The following ZBTB1 variants were observed in gnomAD, a reference collection of about 807,000 sequenced individuals.
The protein encoded by ZBTB1 is zinc finger and BTB domain-containing protein 1.
In ZBTB1, 13 loss-of-function variants were observed where a neutral mutation model predicts 51.6. The observed-to-expected ratio is 0.25, with a 90% CI of 0.16 to 0.40. The LOEUF (loss-of-function observed/expected upper bound fraction) is 0.40, where lower values mean the gene tolerates loss of function less well. Ranked by LOEUF, ZBTB1 falls within the 10% of genes least tolerant of loss-of-function variation. The pLI, the probability that ZBTB1 is intolerant of heterozygous loss-of-function variation, is 1.00. For missense variants in ZBTB1, 567 were observed against 856.5 expected (o/e 0.66, Z 4.22); for synonymous variants, 240 against 282.2 (o/e 0.85, Z 1.50).
At position 64,521,949 on chromosome 14, in the gene ZBTB1, G is replaced by A; in HGVS notation, c.445G>A (p.Val149Met). ...TGGGGTAAGAATGTATGAAGATACT[G>A]TGGCTCGAAATGGCAATGAAGCCAA... ...IFGVRMYEDT[V>M]ARNGNEANRW... Residue 149 changes from valine (V) to methionine (M), a missense_variant, in exon 2 of 2, where the codon GTG becomes ATG. Coordinates refer to ENST00000683701, the MANE Select transcript of ZBTB1 (RefSeq NM_001123329.2). 1 of 1,614,232 alleles carries A rather than the reference G, an allele frequency of 6.2e-7. No homozygotes were observed.
At chr14:64,527,901 T>C (rs1315469145), downstream of ZBTB1, among the ~76,000 whole-genome samples, 1 of 152,158 alleles carries the variant, frequency 6.6e-6, no homozygotes. Flanking sequence ...AAAAATAATA[T>C]GACTATAATT....
rs772086170 is a variant in ZBTB1, at chr14:64,521,483, A to G, written c.-18-4A>G. 2.3e-5 allele frequency: 35 copies of G among 1,555,554 alleles called. No homozygotes were observed. The Admixed American group carries it at 4.8e-4, about 21-fold the overall frequency. On this transcript the variant is annotated splice_polypyrimidine_tract_variant and splice_region_variant and intron_variant, in intron 1 of 1. Coordinates refer to ENST00000683701, the MANE Select transcript of ZBTB1 (RefSeq NM_001123329.2). Reference sequence around the variant, plus strand: ...TTTGACTTTAATATTTTTGTTTTACATAGGTCTCTAATTAACAGAAGATGG... The same window carrying G: ...TTTGACTTTAATATTTTTGTTTTACGTAGGTCTCTAATTAACAGAAGATGG...
At position 64,522,757 on chromosome 14, in the gene ZBTB1, C is replaced by T; in HGVS notation, c.1253C>T (p.Ala418Val). The change falls in exon 2 of 2, where the codon GCT (alanine) becomes GTT (valine). Residue 418 changes from alanine (A) to valine (V), a missense_variant. Around this residue, in one of 5 missense-constraint regions of ZBTB1, gnomAD observed 329 missense variants for 406.3 expected, o/e 0.81. Transcript: ENST00000683701. ...AACAGCAGTCCAGTACAAGAGGATG[C>T]TGAAAATGCATCTTGTGAGCTGTGT... is the stretch of plus-strand genomic sequence containing the variant. ...PNNSSPVQED[A>V]ENASCELCGL... 6.2e-7 allele frequency: 1 copy of T among 1,614,180 alleles called. No homozygotes were observed. The highest frequency in any genetic ancestry group is 8.5e-7 in the Non-Finnish European group (1 of 1,180,016).
chr14:64,504,976 G>A (rs2079618529), intron 1 of ZBTB1, 30 bp downstream of exon 1: 2 of 393,826 alleles, frequency 5.1e-6, no homozygotes, highest in African/African-American at 2.1e-5. Context: ...GGGGCTATTT[G>A]CGCAACTTTG....
At chr14:64,509,034 C>T (rs1369554376) in intron 1 of ZBTB1, among the ~76,000 whole-genome samples, 2 of 152,130 alleles carry the variant, frequency 1.3e-5, no homozygotes, top group Admixed American at 1.3e-4. Context: ...GCTGTTTTGG[C>T]AGCACAGAAG....
rs2079876585 is a variant in ZBTB1, at chr14:64,523,099, G to T, written c.1595G>T (p.Cys532Phe). ...QKKQLFKHSA[C>F]PFRCPNCGQR... is the part of the protein sequence containing the mutation. Reference sequence around the variant, plus strand: ...AAGCAGTTATTTAAACATTCTGCCTGCCCTTTTCGATGTCCTAATTGTGGC... The same window carrying T: ...AAGCAGTTATTTAAACATTCTGCCTTCCCTTTTCGATGTCCTAATTGTGGC... Residue 532 changes from cysteine to phenylalanine, a missense_variant, in exon 2 of 2, where the codon TGC (cysteine) becomes TTC (phenylalanine). By Grantham distance (205) the Cys-to-Phe change is radical. Coordinates refer to ENST00000683701, the MANE Select transcript of ZBTB1 (RefSeq NM_001123329.2). The surrounding 1 kb of genome is among the most constrained non-coding windows in gnomAD (Gnocchi z 4.5). 1 of 1,614,074 alleles carries T rather than the reference G, an allele frequency of 6.2e-7. No individual in the cohort carries two copies. Among genetic ancestry groups the T allele is most frequent in the African/African-American group, 1.3e-5 (1 of 74,940 alleles).
rs760246098 is a variant in ZBTB1 at position 64,523,045 on chromosome 14, A to G, written c.1541A>G (p.Asn514Ser). 8 of 1,614,086 alleles carry G rather than the reference A, an allele frequency of 5.0e-6. No individual in the cohort carries two copies. Among genetic ancestry groups the G allele is most frequent in the Middle Eastern group, 1.6e-4 (1 of 6,084 alleles). The change falls in exon 2 of 2, where the codon AAT becomes AGT. Residue 514 changes from asparagine to serine, a missense_variant. Around this residue, in one of 5 missense-constraint regions of ZBTB1, gnomAD observed 329 missense variants for 406.3 expected, o/e 0.81. Transcript: ENST00000683701. The surrounding 1 kb of genome is among the most constrained non-coding windows in gnomAD (Gnocchi z 4.5). ...FVEMLDDFRD[N>S]HYQINSIQKK... ...GAAATGCTGGATGATTTTAGGGACA[A>G]TCATTACCAGATAAACAGTATCCAA... is the stretch of plus-strand genomic sequence containing the variant.
Position 64,523,331 on chromosome 14 carries a change from A to G in ZBTB1, c.1827A>G (p.Gln609=). Residue 609 remains glutamine, a synonymous_variant, in exon 2 of 2, where the codon CAA becomes CAG. Coordinates refer to ENST00000683701, the MANE Select transcript of ZBTB1 (RefSeq NM_001123329.2). The surrounding 1 kb of genome is among the most constrained non-coding windows in gnomAD (Gnocchi z 4.5). ...VHTKEKQFVC[Q]TCGKQFLRER... ...CTAAGGAAAAACAGTTTGTTTGTCAAACATGTGGAAAGCAGTTTTTAAGAG... is the reference window on the plus strand; with the variant it reads ...CTAAGGAAAAACAGTTTGTTTGTCAGACATGTGGAAAGCAGTTTTTAAGAG... 1 of 1,614,202 alleles carries G rather than the reference A, an allele frequency of 6.2e-7. No homozygotes were observed. Among genetic ancestry groups the G allele is most frequent in the Non-Finnish European group, 8.5e-7 (1 of 1,180,026 alleles).
intron 1 of ZBTB1, among the ~76,000 whole-genome samples, chr14:64,517,281 G>A (rs2079796760): frequency 6.6e-6 from 1 of 152,088 alleles, no homozygotes; most frequent in Non-Finnish European, 1.5e-5. Flanking sequence ...GGTCAATGAG[G>A]ATAAGCAAGT....
exon 3 of ZBTB1, chr14:64,533,420 A>T (rs1332989547): frequency 1.3e-5 from 2 of 152,596 alleles, no homozygotes; most frequent in Non-Finnish European, 2.9e-5. Context: ...TAAAGGTGCC[A>T]GATCAAAATA....
chr14:64,514,589 A>G (rs544964645), intron 1 of ZBTB1, among the ~76,000 whole-genome samples: 3 of 152,338 alleles, frequency 2.0e-5, no homozygotes, highest in South Asian at 2.1e-4. Context: ...AAATCTTACT[A>G]TGTCAGTGAG....
chr14:64,504,938 T>C lies in ZBTB1; in HGVS notation c.-27T>C, dbSNP rs1248876664. 1.0e-5 allele frequency: 4 copies of C among 395,270 alleles called. No homozygotes were observed. The highest frequency in any genetic ancestry group is 2.1e-5 in the African/African-American group (1 of 48,416). The allele number at this position is 395,270 out of a possible 1,614,324, so 24.5% of individuals were successfully genotyped here. ...AAAATCTCCGCAGCTCTGGTTCCTG[T>C]TGCGGCCGGTAAGTATTTGCCAGTT... is the stretch of plus-strand genomic sequence containing the variant. On this transcript the variant is annotated 5_prime_UTR_variant, in exon 1 of 2. Transcript: ENST00000683701.
chr14:64,519,791 GGAA>G (rs2079841217), intron 1 of ZBTB1, among the ~76,000 whole-genome samples: 2 of 147,856 alleles, frequency 1.4e-5, no homozygotes, highest in Admixed American at 1.3e-4. Context: ...AAAAAAAAAA[GGAA>G]GAAAACTTTA....
chr14:64,521,893 C>T lies in ZBTB1; in HGVS notation c.389C>T (p.Ala130Val). The T allele has an allele frequency of 6.2e-7, 1 of 1,613,928 alleles. No individual in the cohort carries two copies. Among genetic ancestry groups the T allele is most frequent in the Non-Finnish European group, 8.5e-7 (1 of 1,180,046 alleles). Residue 130 changes from alanine (A) to valine (V), a missense_variant, in exon 2 of 2, where the codon GCT (alanine) becomes GTT (valine). Physicochemically the swap from Ala to Val is moderately conservative, Grantham distance 64. This residue lies in a region of ZBTB1 where 74 missense variants were observed against 74.9 expected (regional missense o/e 0.99). Coordinates refer to ENST00000683701, the MANE Select transcript of ZBTB1 (RefSeq NM_001123329.2). ...TCTAGTTCAAAATGTTCCTCTTCTG[C>T]TTCCAGCAAACAGAACAGCAAAATG... ...DCSSSKCSSS[A>V]SSKQNSKMIF... is the part of the protein sequence containing the mutation.
Position 64,522,116 on chromosome 14 carries a change from A to G in ZBTB1, c.612A>G (p.Pro204=), listed in dbSNP as rs1487116318. 1.2e-6 allele frequency: 2 copies of G among 1,614,196 alleles called. No individual in the cohort carries two copies. Among genetic ancestry groups the G allele is most frequent in the Non-Finnish European group, 1.7e-6 (2 of 1,180,034 alleles). Residue 204 remains proline, a synonymous_variant, in exon 2 of 2, where the codon CCA becomes CCG. Coordinates refer to ENST00000683701, the MANE Select transcript of ZBTB1 (RefSeq NM_001123329.2). ...GTTCCGTGTCCAAATTATCTACTCC[A>G]AAAGAACGTGTGTCAAGACGCTTTG... The part of the protein sequence containing the change: ...KKSSVSKLST[P]KERVSRRFGR...
intron 1 of ZBTB1, among the ~76,000 whole-genome samples, chr14:64,517,896 T>A (rs547927510): frequency 1.3e-5 from 2 of 150,212 alleles, no homozygotes; most frequent in African/African-American, 4.9e-5. Flanking sequence ...TACAGTGGCA[T>A]GATCTCGGCT....
intron 1 of ZBTB1, among the ~76,000 whole-genome samples, chr14:64,513,638 C>T (rs1161338880): frequency 1.3e-5 from 2 of 152,140 alleles, no homozygotes; most frequent in Non-Finnish European, 2.9e-5. Context: ...TCTTGCTGAA[C>T]TTTATTCAAT....
chr14:64,518,750 AT>A (rs964240521), intron 1 of ZBTB1, among the ~76,000 whole-genome samples: 1 of 151,804 alleles, frequency 6.6e-6, no homozygotes, highest in African/African-American at 2.4e-5. Flanking sequence ...CTAAAATTTG[AT>A]CTTATTTTAA....
intron 1 of ZBTB1, among the ~76,000 whole-genome samples, chr14:64,515,011 A>G (rs2079766235): frequency 1.3e-5 from 2 of 152,248 alleles, no homozygotes; most frequent in Admixed American, 1.3e-4. Flanking sequence ...TAATATGCTT[A>G]ATGTGCTTGG....
Sources: allele counts gnomAD v4.1 joint callset (sites outside exome capture counted in the v4.1 genomes callset), GRCh38; gene constraint gnomAD v4.1.1; regional missense constraint gnomAD v4.1.1; non-coding constraint Gnocchi (gnomAD v3.1); transcripts MANE v1.5; gene names NCBI Gene and HGNC (gene_info 2026-07-23, HGNC 2026-07-21).